The following PTPRJ variants were observed in gnomAD, a reference collection of about 807,000 sequenced individuals.
PTPRJ encodes the protein protein tyrosine phosphatase receptor type J.
In PTPRJ, 129 loss-of-function variants were observed where a neutral mutation model predicts 141.3. That is an observed-to-expected ratio of 0.91 (90% CI 0.79 to 1.06). The LOEUF is 1.06. Ranked by LOEUF, PTPRJ falls within the 50% of genes least tolerant of loss-of-function variation. PTPRJ has a pLI of 0.00. For missense variants in PTPRJ, 1,601 were observed against 1,679.7 expected (o/e 0.95, Z 0.82); for synonymous variants, 610 against 640.5 (o/e 0.95, Z 0.72).
rs543363124 is a variant in PTPRJ at position 47,983,549 on chromosome 11, G to A, written c.96+2541G>A. On this transcript the variant is annotated intron_variant, in intron 1 of 24. Transcript: ENST00000418331. ...CTCAGTGCTTAGTAGGCCCGGAAAA[G>A]CAATTTTTGAACTGGCATCTCATTC... 5.0e-4 allele frequency among the ~76,000 whole-genome samples: 76 copies of A among 152,340 alleles called. 1 individual carries two copies. Among genetic ancestry groups the A allele is most frequent in the African/African-American group, 1.8e-3 (75 of 41,580 alleles).
At chr11:48,076,469 C>T (rs1855406148) in intron 1 of PTPRJ, among the ~76,000 whole-genome samples, 2 of 152,178 alleles carry the variant, frequency 1.3e-5, no homozygotes, top group Non-Finnish European at 2.9e-5. Flanking sequence ...GGGATGAAAT[C>T]AGGGAGCTCT....
At position 48,167,431 on chromosome 11, in the gene PTPRJ, G is replaced by T; in HGVS notation, c.*69G>T. 6.7e-7 allele frequency: 1 copy of T among 1,495,504 alleles called. No individual in the cohort carries two copies. Among genetic ancestry groups the T allele is most frequent in the Non-Finnish European group, 9.1e-7 (1 of 1,093,198 alleles). The allele number at this position is 1,495,504 out of a possible 1,614,324, so 92.6% of individuals were successfully genotyped here. Reference sequence around the variant, plus strand: ...CCACAGCGAAGGCACATGCCCCGATGTCGACATGTTTTTATATGTCTAATA... The same window carrying T: ...CCACAGCGAAGGCACATGCCCCGATTTCGACATGTTTTTATATGTCTAATA... On this transcript the variant is annotated 3_prime_UTR_variant, in exon 25 of 25. Transcript: ENST00000418331.
At chr11:48,045,467 A>G (rs920762457) in intron 1 of PTPRJ, among the ~76,000 whole-genome samples, 1 of 152,212 alleles carries the variant, frequency 6.6e-6, no homozygotes, top group Non-Finnish European at 1.5e-5. Context: ...GAATGTCTCA[A>G]TTCAGGATGG....
chr11:48,136,870 C>A, intron 9 of PTPRJ, 133 bp from the exon 10 acceptor site: 1 of 916,304 alleles, frequency 1.1e-6, no homozygotes, highest in Non-Finnish European at 1.6e-6. Context: ...AGTTTTCCAT[C>A]TTTTGAGCCA....
intron 1 of PTPRJ, among the ~76,000 whole-genome samples, chr11:47,991,209 G>C (rs1854185182): frequency 6.6e-6 from 1 of 152,088 alleles, no homozygotes; most frequent in Non-Finnish European, 1.5e-5. Flanking sequence ...TGACCACCAG[G>C]TGTGACTGAA....
chr11:48,125,028 C>G lies in PTPRJ; in HGVS notation c.935C>G (p.Ser312Cys). 6.2e-7 allele frequency: 1 copy of G among 1,614,108 alleles called. No homozygotes were observed. The highest frequency in any genetic ancestry group is 8.5e-7 in the Non-Finnish European group (1 of 1,180,016). The stretch of plus-strand genomic sequence containing the variant: ...CCCACCGCCCCTGTGCATGATGAGT[C>G]CCTCGTGGGACCTGTGGACCCATCC... The part of the protein sequence containing the change: ...GSPTAPVHDE[S>C]LVGPVDPSSG... Residue 312 changes from serine (S) to cysteine (C), a missense_variant, in exon 6 of 25, where the codon TCC becomes TGC. Ser to Cys is a moderately radical substitution (Grantham distance 112). Coordinates refer to ENST00000418331, the MANE Select transcript of PTPRJ (RefSeq NM_002843.4).
chr11:48,031,804 G>A (rs1409663093), intron 1 of PTPRJ, among the ~76,000 whole-genome samples: 12 of 152,256 alleles, frequency 7.9e-5, no homozygotes, highest in East Asian at 5.8e-4. Flanking sequence ...TTTGCATATA[G>A]CGTGGCTCCT....
At chr11:48,026,716 G>A (rs551843872) in intron 1 of PTPRJ, among the ~76,000 whole-genome samples, 1 of 152,106 alleles carries the variant, frequency 6.6e-6, no homozygotes, top group Admixed American at 6.5e-5. Flanking sequence ...CCAAAGTGCT[G>A]GGATTACAGG....
intron 2 of PTPRJ, among the ~76,000 whole-genome samples, chr11:48,111,579 G>C (rs938140603): frequency 5.1e-4 from 77 of 152,152 alleles, no homozygotes; most frequent in African/African-American, 1.8e-3. Flanking sequence ...TTTTCTTCCT[G>C]TTAATTAGTT....
chr11:48,149,368 C>G (rs369344934), intron 15 of PTPRJ, 79 bp from the exon 16 acceptor site: 20 of 931,526 alleles, frequency 2.1e-5, no homozygotes, highest in Non-Finnish European at 3.4e-5. Flanking sequence ...TCATAGATGA[C>G]ATCAACTCCA....
At chr11:47,991,449 T>G (rs970284351) in intron 1 of PTPRJ, among the ~76,000 whole-genome samples, 1 of 152,182 alleles carries the variant, frequency 6.6e-6, no homozygotes, top group Non-Finnish European at 1.5e-5. Flanking sequence ...AAAGACATAA[T>G]CCTTGGCTGT....
At chr11:48,065,849 G>A (rs1019247708) in intron 1 of PTPRJ, among the ~76,000 whole-genome samples, 1 of 152,236 alleles carries the variant, frequency 6.6e-6, no homozygotes, top group African/African-American at 2.4e-5. Flanking sequence ...TGAGGTCTGG[G>A]ATTTGAACCC....
chr11:48,081,675 GC>G (rs1855561473), intron 1 of PTPRJ, among the ~76,000 whole-genome samples: 1 of 151,396 alleles, frequency 6.6e-6, no homozygotes, highest in African/African-American at 2.4e-5. Flanking sequence ...CAGGAGAGCT[GC>G]CTTTTCTCCT....
At chr11:47,984,715 T>C (rs1420728635) in intron 1 of PTPRJ, among the ~76,000 whole-genome samples, 2 of 152,014 alleles carry the variant, frequency 1.3e-5, no homozygotes, top group Non-Finnish European at 2.9e-5. Context: ...TATGCCGCCA[T>C]ACCTGGCTAC....
chr11:48,135,428 T>G (rs1021053221), intron 8 of PTPRJ, among the ~76,000 whole-genome samples: 4 of 151,292 alleles, frequency 2.6e-5, no homozygotes, highest in African/African-American at 9.7e-5. Context: ...CCGCCTGCCT[T>G]GGCTGCCCAA....
chr11:48,011,281 A>G (rs997732060), intron 1 of PTPRJ, among the ~76,000 whole-genome samples: 1 of 152,134 alleles, frequency 6.6e-6, no homozygotes, highest in Non-Finnish European at 1.5e-5. Flanking sequence ...TGCAGCAATA[A>G]TGTATGTGCA....
intron 11 of PTPRJ, among the ~76,000 whole-genome samples, chr11:48,141,302 G>C (rs1451125626): frequency 6.6e-6 from 1 of 152,098 alleles, no homozygotes; most frequent in African/African-American, 2.4e-5. Flanking sequence ...TTTTGTGTTA[G>C]TTCAGAGAGT....
At chr11:48,009,710 A>G (rs1269344659) in intron 1 of PTPRJ, among the ~76,000 whole-genome samples, 1 of 152,264 alleles carries the variant, frequency 6.6e-6, no homozygotes, top group Non-Finnish European at 1.5e-5. Context: ...ACCTGGGCCA[A>G]GTCTGGGCTC....
At chr11:48,055,277 C>G (rs888931340) in intron 1 of PTPRJ, among the ~76,000 whole-genome samples, 12 of 152,184 alleles carry the variant, frequency 7.9e-5, no homozygotes, top group African/African-American at 2.9e-4. Flanking sequence ...CCAGGACTCA[C>G]CATGCATTCA....
Sources: gnomAD v4.1 joint callset for allele counts (sites outside exome capture counted in the v4.1 genomes callset) on GRCh38, gnomAD v4.1.1 for gene constraint, MANE v1.5 for transcripts, NCBI Gene and HGNC (gene_info 2026-07-23, HGNC 2026-07-21) for gene names.